GRM5: variants seen among roughly 807,000 people sequenced by gnomAD.
GRM5 encodes metabotropic glutamate receptor 5.
A neutral mutation model predicts 83.1 loss-of-function variants in GRM5; 19 were observed. The observed-to-expected ratio is 0.23, with a 90% confidence interval of 0.16 to 0.34. GRM5 has a LOEUF of 0.34. Among genes scored for constraint, GRM5 ranks in the 10% least tolerant of loss-of-function variants. The pLI, the probability that GRM5 is intolerant of heterozygous loss-of-function variation, is 1.00. For missense variants in GRM5, 1,160 were observed against 1,588.3 expected, an observed-to-expected ratio of 0.73 and a Z score of 4.58; for synonymous variants, 675 against 633.6, an observed-to-expected ratio of 1.07 and a Z score of -0.98.
At chr11:88,922,495 A>G (rs145357590) in intron 2 of GRM5, among the ~76,000 whole-genome samples, 107 of 152,322 alleles carry the variant, frequency 7.0e-4, no homozygotes, top group Middle Eastern at 3.4e-3. Flanking sequence ...AGTCTCTACA[A>G]TTAATGGTGT....
At chr11:88,562,413 C>T (rs1942777893) in intron 8 of GRM5, among the ~76,000 whole-genome samples, 1 of 152,112 alleles carries the variant, frequency 6.6e-6, no homozygotes, top group Non-Finnish European at 1.5e-5. Flanking sequence ...AGTATTCTCA[C>T]CGTGCAGGAC....
intron 1 of GRM5, among the ~76,000 whole-genome samples, chr11:89,050,625 C>A (rs1197482825): frequency 6.6e-6 from 1 of 152,102 alleles, no homozygotes; most frequent in Non-Finnish European, 1.5e-5. Flanking sequence ...GGCTATATAC[C>A]CAAAGGAATA....
At chr11:88,579,227 A>C (rs1027163695) in intron 7 of GRM5, among the ~76,000 whole-genome samples, 1 of 152,134 alleles carries the variant, frequency 6.6e-6, no homozygotes, top group East Asian at 1.9e-4. Flanking sequence ...CAGGTACTCA[A>C]TACATGGGGA....
At chr11:89,015,531 T>A (rs1940830075) in intron 2 of GRM5, among the ~76,000 whole-genome samples, 1 of 152,176 alleles carries the variant, frequency 6.6e-6, no homozygotes. Context: ...TTTTTCTGGA[T>A]ATTAGTCTGC....
At chr11:88,687,507 C>CACACAA (rs1940659313) in intron 3 of GRM5, among the ~76,000 whole-genome samples, 1 of 34,232 alleles carries the variant, frequency 2.9e-5, no homozygotes, top group Non-Finnish European at 4.3e-5. Flanking sequence ...AAAATACACA[C>CACACAA]ACACACACAC....
At chr11:88,906,384 C>T (rs1227673885) in intron 2 of GRM5, among the ~76,000 whole-genome samples, 2 of 151,926 alleles carry the variant, frequency 1.3e-5, no homozygotes, top group Admixed American at 6.6e-5. Flanking sequence ...GTACATAAAT[C>T]TGAGAGTTAT....
At chr11:88,543,573 G>C (rs564547323) in intron 8 of GRM5, among the ~76,000 whole-genome samples, 53 of 133,272 alleles carry the variant, frequency 4.0e-4, no homozygotes, top group Non-Finnish European at 6.5e-4. Context: ...GGAAGACATA[G>C]AGAAATCAGA....
At chr11:88,510,020 C>G (rs1473463635) in intron 9 of GRM5, among the ~76,000 whole-genome samples, 3 of 152,164 alleles carry the variant, frequency 2.0e-5, no homozygotes, top group Admixed American at 2.0e-4. Flanking sequence ...GGTTCCAGTT[C>G]CGCCTTTATT....
At chr11:89,021,591 T>C (rs1370613576) in intron 2 of GRM5, among the ~76,000 whole-genome samples, 53 of 152,290 alleles carry the variant, frequency 3.5e-4, no homozygotes, top group Non-Finnish European at 4.4e-5. Flanking sequence ...ACTAAAAAAC[T>C]GCAGCTCAAA....
Position 88,998,053 on chromosome 11 carries a change from G to C in GRM5, c.661+49159C>G, listed in dbSNP as rs145686491. Among the ~76,000 whole-genome samples the C allele has an allele frequency of 1.1e-4, 17 of 151,322 alleles. No individual in the cohort carries two copies. In the East Asian group the frequency reaches 3.1e-3, roughly 28 times the overall value. On this transcript the variant is annotated intron_variant, in intron 2 of 9. Coordinates refer to ENST00000305447, the MANE Select transcript of GRM5 (RefSeq NM_001143831.3). ...AGAGGGGGCAGGAGAAGAAAAATAT[G>C]AGAGGCGGAGAGAGAAGAAAAATAG... is the stretch of plus-strand genomic sequence containing the variant.
At chr11:88,762,538 G>A (rs1016656233) in intron 3 of GRM5, among the ~76,000 whole-genome samples, 2 of 151,884 alleles carry the variant, frequency 1.3e-5, no homozygotes, top group African/African-American at 4.8e-5. Context: ...AAAAGATGCT[G>A]GCAAGGTTCC....
intron 4 of GRM5, among the ~76,000 whole-genome samples, chr11:88,649,706 A>T (rs1000898327): frequency 1.3e-5 from 2 of 151,436 alleles, no homozygotes; most frequent in African/African-American, 4.8e-5. Flanking sequence ...TGCTATACTC[A>T]GTGAAAATAT....
At chr11:89,000,123 G>C (rs1011076109) in intron 2 of GRM5, among the ~76,000 whole-genome samples, 2 of 152,094 alleles carry the variant, frequency 1.3e-5, no homozygotes, top group African/African-American at 4.8e-5. Flanking sequence ...AGCATTAGGA[G>C]AGATACCTAA....
At chr11:88,646,514 G>C (rs957814941) in intron 4 of GRM5, among the ~76,000 whole-genome samples, 17 of 151,842 alleles carry the variant, frequency 1.1e-4, no homozygotes, top group African/African-American at 3.9e-4. Flanking sequence ...AATTAACAAG[G>C]CTACAAACAC....
intron 3 of GRM5, among the ~76,000 whole-genome samples, chr11:88,824,940 T>C (rs764547065): frequency 1.6e-4 from 24 of 152,242 alleles, no homozygotes; most frequent in Non-Finnish European, 2.8e-4. Context: ...GAGTAACATA[T>C]ACTACATGCA....
intron 2 of GRM5, among the ~76,000 whole-genome samples, chr11:88,853,894 G>A (rs28411243): frequency 2.7e-5 from 4 of 147,542 alleles, no homozygotes; most frequent in African/African-American, 5.0e-5. Context: ...AAAACTTCAC[G>A]GAAGTTCCTC....
chr11:89,006,329 C>T (rs1940522840), intron 2 of GRM5, among the ~76,000 whole-genome samples: 1 of 152,200 alleles, frequency 6.6e-6, no homozygotes, highest in African/African-American at 2.4e-5. Context: ...TATGCATTTA[C>T]TTCAGAAAAG....
intron 4 of GRM5, among the ~76,000 whole-genome samples, chr11:88,611,536 G>C (rs1470983401): frequency 6.6e-6 from 1 of 152,076 alleles, no homozygotes; most frequent in Non-Finnish European, 1.5e-5. Flanking sequence ...AGGATATTTT[G>C]TATGTCCGTG....
intron 3 of GRM5, among the ~76,000 whole-genome samples, chr11:88,658,855 G>T (rs1939833680): frequency 6.6e-6 from 1 of 152,034 alleles, no homozygotes; most frequent in Admixed American, 6.6e-5. Context: ...AATCAGTTGT[G>T]AGTGTTCTTT....
Sources: gnomAD v4.1 joint callset for allele counts (sites outside exome capture counted in the v4.1 genomes callset) on GRCh38, gnomAD v4.1.1 for gene constraint, MANE v1.5 for transcripts, NCBI Gene and HGNC (gene_info 2026-07-23, HGNC 2026-07-21) for gene names.